Variants in RFWD3 observed in about 807,000 individuals in gnomAD.
RFWD3 encodes E3 ubiquitin-protein ligase RFWD3.
In RFWD3, 65 loss-of-function variants were observed where a neutral mutation model predicts 87.7. The observed-to-expected ratio is 0.74, with a 90% CI of 0.61 to 0.91. The LOEUF (loss-of-function observed/expected upper bound fraction) is 0.91, where lower values mean the gene tolerates loss of function less well. Among genes scored for constraint, RFWD3 ranks in the 40% least tolerant of loss-of-function variants. RFWD3 has a pLI of 0.00. For synonymous variants in RFWD3, 433 were observed against 352.8 expected, an observed-to-expected ratio of 1.23 and a Z score of -2.55; for missense variants, 1,078 against 938.5, an observed-to-expected ratio of 1.15 and a Z score of -1.94.
In RFWD3 at chr16:74,644,588, T is replaced by C; in HGVS notation, c.940A>G (p.Arg314Gly). The change falls in exon 5 of 13, where the codon AGG becomes GGG. Residue 314 changes from arginine to glycine, a missense_variant. Physicochemically the swap from Arg to Gly is moderately radical, Grantham distance 125 (BLOSUM62 -2). Transcript: ENST00000361070. ...CCTTTAAGCCACGTGGAAATGCACCTATACCCAAAGAGATGCCCACAGCGT... is the reference window on the plus strand; with the variant it reads ...CCTTTAAGCCACGTGGAAATGCACCCATACCCAAAGAGATGCCCACAGCGT... ...ALRCGHLFGY[R>G]CISTWLKGQV... The C allele has an allele frequency of 1.9e-6, 3 of 1,614,198 alleles. No individual in the cohort carries two copies. The highest frequency in any genetic ancestry group is 1.1e-5 in the South Asian group (1 of 91,088).
chr16:74,627,031 A>G (rs570297015), intron 11 of RFWD3, among the ~76,000 whole-genome samples: 1 of 152,342 alleles, frequency 6.6e-6, no homozygotes, highest in Admixed American at 6.5e-5. Context: ...CAAAAGCAAG[A>G]TAACAAAATA....
intron 4 of RFWD3, among the ~76,000 whole-genome samples, chr16:74,648,225 C>A (rs1027252578): frequency 2.0e-5 from 3 of 152,024 alleles, no homozygotes; most frequent in Non-Finnish European, 1.5e-5. Context: ...ATTTTTAAAT[C>A]TAAGAGACAG....
At chr16:74,665,940 C>A (rs1336857226) in intron 1 of RFWD3, among the ~76,000 whole-genome samples, 1 of 151,946 alleles carries the variant, frequency 6.6e-6, no homozygotes, top group Admixed American at 6.6e-5. Flanking sequence ...TCAGGTGATC[C>A]GACTGCCTCG....
At chr16:74,647,591 A>G (rs2144231084) in intron 4 of RFWD3, among the ~76,000 whole-genome samples, 1 of 146,326 alleles carries the variant, frequency 6.8e-6, no homozygotes, top group South Asian at 2.2e-4. Flanking sequence ...CCCGGCCAAC[A>G]TTATTATTAC....
chr16:74,650,382 G>C (rs997704405), intron 3 of RFWD3, among the ~76,000 whole-genome samples: 6 of 151,612 alleles, frequency 4.0e-5, no homozygotes, highest in Admixed American at 6.6e-5. Flanking sequence ...ATGGGGGTGG[G>C]GGGCTGGTGT....
chr16:74,624,920 T>C (rs1160365574), intron 12 of RFWD3, among the ~76,000 whole-genome samples: 2 of 152,098 alleles, frequency 1.3e-5, no homozygotes, highest in Admixed American at 6.6e-5. Flanking sequence ...GCTGAGGAGT[T>C]TGAGGCTACA....
chr16:74,657,862 T>C (rs1335359496), intron 2 of RFWD3, among the ~76,000 whole-genome samples: 1 of 152,162 alleles, frequency 6.6e-6, no homozygotes, highest in Non-Finnish European at 1.5e-5. Flanking sequence ...ACCATGAGAC[T>C]AAACACATAA....
chr16:74,636,144 C>T (rs569491368), intron 8 of RFWD3, among the ~76,000 whole-genome samples: 2 of 152,252 alleles, frequency 1.3e-5, no homozygotes, highest in South Asian at 4.1e-4. Context: ...AGTATTTCTA[C>T]CCTCTTGGTT....
At position 74,643,669 on chromosome 16, in the gene RFWD3, G is replaced by GCTTTTTTTTTTTTTTTTTTTTTTTTT. The variant is rs56803461; in HGVS notation, c.1079+692_1079+693insAAAAAAAAAAAAAAAAAAAAAAAAAG. Reference sequence around the variant, plus strand: ...ATACTGAGTGGTGTTACTAGCAACTGTTTTTTTTTTTTTTTTTTTTTTTTG... The same window carrying GCTTTTTTTTTTTTTTTTTTTTTTTTT: ...ATACTGAGTGGTGTTACTAGCAACTGCTTTTTTTTTTTTTTTTTTTTTTTTTTTTTTTTTTTTTTTTTTTTTTTTTG... On this transcript the variant is annotated intron_variant, in intron 6 of 12. Transcript: ENST00000361070. Among the ~76,000 whole-genome samples the GCTTTTTTTTTTTTTTTTTTTTTTTTT allele has an allele frequency of 3.8e-5, 4 of 105,054 alleles. 2 individuals carry two copies. The highest frequency in any genetic ancestry group is 7.8e-5 in the African/African-American group (2 of 25,568). 68.9% of individuals were successfully genotyped at this position (105,054 alleles called of 152,430 possible).
At position 74,660,932 on chromosome 16, in the gene RFWD3, C is replaced by G; in HGVS notation, c.518G>C (p.Arg173Thr). 2 of 1,609,862 alleles carry G rather than the reference C, an allele frequency of 1.2e-6. No homozygotes were observed. Among genetic ancestry groups the G allele is most frequent in the Non-Finnish European group, 1.7e-6 (2 of 1,177,084 alleles). ...AGGSQRTDSA[R>T]LRAPLDAYFQ... ...CAGACTTATCCATATATTTATTTACCTGGCACTGTCTGTCCTCTGAGACCC... is the reference window on the plus strand; with the variant it reads ...CAGACTTATCCATATATTTATTTACGTGGCACTGTCTGTCCTCTGAGACCC... The change falls in exon 2 of 13, where the codon AGG becomes ACG. Residue 173 changes from arginine to threonine, a missense_variant and splice_region_variant. By Grantham distance (71) the Arg-to-Thr change is moderately conservative. Coordinates refer to ENST00000361070, the MANE Select transcript of RFWD3 (RefSeq NM_018124.4).
chr16:74,660,695 ATC>A, intron 2 of RFWD3: 1 of 456,224 alleles, frequency 2.2e-6, no homozygotes, highest in African/African-American at 2.0e-5. Flanking sequence ...ACAACAGCCA[ATC>A]TCTACAGAGA....
chr16:74,626,593 C>G, intron 11 of RFWD3, 39 bp from the exon 12 acceptor site: 1 of 1,559,856 alleles, frequency 6.4e-7, no homozygotes, highest in East Asian at 2.3e-5. Flanking sequence ...CATGGGGACG[C>G]TACACAAAAA....
intron 6 of RFWD3, among the ~76,000 whole-genome samples, chr16:74,642,681 C>A (rs962364587): frequency 6.6e-6 from 1 of 151,936 alleles, no homozygotes; most frequent in Non-Finnish European, 1.5e-5. Context: ...TTATTAGAAA[C>A]AAGGTCTCAC....
intron 3 of RFWD3, 61 bp from the exon 4 acceptor site, chr16:74,649,263 A>G: frequency 4.0e-6 from 5 of 1,238,756 alleles, no homozygotes; most frequent in Non-Finnish European, 5.6e-6. Context: ...TATGTCAGGT[A>G]TGAGAAGCTA....
rs368100720 is a variant in RFWD3 at position 74,647,975 on chromosome 16, G to C, written c.792+1157C>G. ...TAATTTTAATTTTTTTATTGAGACA[G>C]GGTCTCACTCTGCTGCCATGGAGTG... On this transcript the variant is annotated intron_variant, in intron 4 of 12. Transcript: ENST00000361070. Among the ~76,000 whole-genome samples the C allele has an allele frequency of 1.1e-3, 166 of 151,912 alleles. 2 individuals are homozygous for C. The highest frequency in any genetic ancestry group is 3.8e-3 in the African/African-American group (156 of 41,408).
intron 2 of RFWD3, among the ~76,000 whole-genome samples, chr16:74,656,484 C>CA (rs1555528595): frequency 2.0e-5 from 3 of 150,874 alleles, no homozygotes; most frequent in Admixed American, 2.0e-4. Context: ...ATCCACCATT[C>CA]TTTTTTTTTC....
chr16:74,651,768 G>A, intron 3 of RFWD3, 152 bp downstream of exon 3: 1 of 687,596 alleles, frequency 1.5e-6, no homozygotes, highest in Non-Finnish European at 2.5e-6. Flanking sequence ...CATAATTATG[G>A]CCAGTGAAGG....
intron 2 of RFWD3, among the ~76,000 whole-genome samples, chr16:74,656,264 C>A (rs1415976031): frequency 2.1e-5 from 3 of 140,208 alleles, no homozygotes; most frequent in Non-Finnish European, 3.0e-5. Context: ...CATGATCACA[C>A]CACTGTACTC....
At chr16:74,660,048 C>G (rs767595175) in intron 2 of RFWD3, among the ~76,000 whole-genome samples, 4 of 152,102 alleles carry the variant, frequency 2.6e-5, no homozygotes, top group Non-Finnish European at 5.9e-5. Context: ...CAGTGAGACC[C>G]TGTCTCAAAA....
Sources: allele counts gnomAD v4.1 joint callset (sites outside exome capture counted in the v4.1 genomes callset), GRCh38; gene constraint gnomAD v4.1.1; transcripts MANE v1.5; gene names NCBI Gene and HGNC (gene_info 2026-07-23, HGNC 2026-07-21).